Variants in MBTPS2 observed in about 807,000 individuals in gnomAD.
MBTPS2 encodes membrane-bound transcription factor site-2 protease.
Under a neutral mutation model 35.4 loss-of-function variants are expected in MBTPS2, and 2 were observed. That is an observed-to-expected ratio of 0.06 (90% CI 0.02 to 0.18). The LOEUF (loss-of-function observed/expected upper bound fraction) is 0.18. MBTPS2 is among the 10% of genes least tolerant of loss of function. The pLI is 1.00. For missense variants in MBTPS2, 244 were observed against 386.5 expected, an observed-to-expected ratio of 0.63 and a Z score of 3.09; for synonymous variants, 125 against 140.4, an observed-to-expected ratio of 0.89 and a Z score of 0.77.
At chrX:21,851,808 G>A (rs1188424998) in intron 4 of MBTPS2, among the ~76,000 whole-genome samples, 196 bp downstream of exon 4, 1 of 111,613 alleles carries the variant, frequency 9.0e-6, no homozygotes, top group African/African-American at 3.3e-5. Flanking sequence ...TGATGAATAT[G>A]CTCCATTAAC....
intron 3 of MBTPS2, among the ~76,000 whole-genome samples, chrX:21,850,987 T>C (rs1211683828): frequency 8.9e-6 from 1 of 112,041 alleles, no homozygotes; most frequent in Non-Finnish European, 1.9e-5. Context: ...CCAACTCACC[T>C]ATAACTTGAG....
intron 1 of MBTPS2, among the ~76,000 whole-genome samples, chrX:21,841,616 A>C (rs2092902712): frequency 8.9e-6 from 1 of 112,126 alleles, no homozygotes; most frequent in South Asian, 3.7e-4. Context: ...CCTGAGCAAC[A>C]TAGTAAGACA....
In MBTPS2 at chrX:21,883,076, G is replaced by A. The variant is rs963019287; in HGVS notation, c.*421G>A. On this transcript the variant is annotated 3_prime_UTR_variant, in exon 11 of 11. Coordinates refer to ENST00000379484, the MANE Select transcript of MBTPS2 (RefSeq NM_015884.4). ...AGACCAGACTTTGGCCAAGTGGAAG[G>A]ATGACCATTGTCTTGGCCTGTATCT... 3.5e-5 allele frequency: 28 copies of A among 807,282 alleles called. No individual in the cohort carries two copies. The highest frequency in any genetic ancestry group is 4.0e-5 in the Non-Finnish European group (27 of 672,269). 66.5% of individuals were successfully genotyped at this position (807,282 alleles called of 1,213,427 possible). A position where few individuals can be genotyped will look rare whatever the true frequency, so the allele number is the denominator to read the frequency against.
intron 7 of MBTPS2, among the ~76,000 whole-genome samples, chrX:21,876,819 T>G (rs2092953692): frequency 8.9e-6 from 1 of 111,963 alleles, no homozygotes; most frequent in African/African-American, 3.2e-5. Context: ...TTTATAAAAT[T>G]AAAATTACAT....
chrX:21,842,590 GC>G (rs1181205852), intron 1 of MBTPS2, among the ~76,000 whole-genome samples: 1 of 110,227 alleles, frequency 9.1e-6, no homozygotes, highest in Admixed American at 9.7e-5. Flanking sequence ...ACGAAGTAAT[GC>G]CCCCCCCAAA....
In MBTPS2 at chrX:21,878,549, C is replaced by T; in HGVS notation, c.1118C>T (p.Thr373Ile). ...GTTGAAGCAACTCAAGTTTGCAGAA[C>T]CAATAAAGACTGTAAAAAAAGCTCA... ...KAVEATQVCRTNKDCKKSSSS... is the reference protein window; with the variant it reads ...KAVEATQVCRINKDCKKSSSS... Residue 373 changes from threonine (T) to isoleucine (I), a missense_variant, in exon 9 of 11, where the codon ACC (threonine) becomes ATC (isoleucine). Thr to Ile is a moderately conservative substitution (Grantham distance 89). Transcript: ENST00000379484. The T allele has an allele frequency of 1.7e-6, 2 of 1,208,470 alleles. No homozygotes were observed. Among genetic ancestry groups the T allele is most frequent in the East Asian group, 5.9e-5 (2 of 33,822 alleles).
chrX:21,860,314 G>A (rs1261823291), intron 5 of MBTPS2, among the ~76,000 whole-genome samples: 1 of 111,067 alleles, frequency 9.0e-6, no homozygotes, highest in Non-Finnish European at 1.9e-5. Flanking sequence ...TTGGGAGGCT[G>A]AGGCAGGAGA....
chrX:21,863,700 T>C (rs1404364788), intron 5 of MBTPS2, among the ~76,000 whole-genome samples: 1 of 111,724 alleles, frequency 9.0e-6, no homozygotes, highest in African/African-American at 3.3e-5. Context: ...CCACCAATAA[T>C]TGGGTCCACG....
intron 7 of MBTPS2, among the ~76,000 whole-genome samples, chrX:21,873,881 T>C (rs2092949946): frequency 9.2e-6 from 1 of 108,917 alleles, no homozygotes; most frequent in Non-Finnish European, 1.9e-5. Context: ...AAAAAGACCT[T>C]TTTTTGTTAT....
chrX:21,857,668 C>A, intron 5 of MBTPS2: 2 of 1,043,190 alleles, frequency 1.9e-6, no homozygotes, highest in Non-Finnish European at 2.6e-6. Flanking sequence ...AATAAATATG[C>A]CTCTCAAAGC....
chrX:21,851,990 T>G (rs2092915295), intron 4 of MBTPS2, among the ~76,000 whole-genome samples: 1 of 112,146 alleles, frequency 8.9e-6, no homozygotes, highest in Non-Finnish European at 1.9e-5. Context: ...TTGATTTGAC[T>G]TATCAGCTGA....
At chrX:21,852,035 G>A (rs2092915335) in intron 4 of MBTPS2, among the ~76,000 whole-genome samples, 1 of 111,934 alleles carries the variant, frequency 8.9e-6, no homozygotes, top group Non-Finnish European at 1.9e-5. Context: ...TCCTCTGCTG[G>A]CTAGAGCAAG....
intron 5 of MBTPS2, among the ~76,000 whole-genome samples, chrX:21,860,589 A>G (rs972851345): frequency 1.1e-4 from 12 of 112,080 alleles, no homozygotes; most frequent in Admixed American, 3.8e-4. Context: ...TTGCCGCTTA[A>G]CCAGCATGGG....
intron 7 of MBTPS2, chrX:21,870,463 A>G (rs2092945996): frequency 8.9e-6 from 1 of 111,837 alleles, no homozygotes; most frequent in Admixed American, 9.5e-5. Flanking sequence ...CAAAGCATAA[A>G]CATTCTGTAT....
intron 9 of MBTPS2, among the ~76,000 whole-genome samples, chrX:21,880,136 G>C (rs1198579682): frequency 9.3e-6 from 1 of 107,821 alleles, no homozygotes; most frequent in Non-Finnish European, 1.9e-5. Flanking sequence ...GGTATTTTTG[G>C]TAGAGACAGG....
intron 3 of MBTPS2, among the ~76,000 whole-genome samples, chrX:21,848,680 A>G (rs1215131108): frequency 1.8e-5 from 2 of 111,203 alleles, no homozygotes; most frequent in Admixed American, 9.6e-5. Context: ...ACTCGTCTCA[A>G]AAAAATATAT....
chrX:21,862,176 C>A lies in MBTPS2; in HGVS notation c.671-6291C>A, dbSNP rs751816835. On this transcript the variant is annotated intron_variant, in intron 5 of 10. Transcript: ENST00000379484. Reference sequence around the variant, plus strand: ...CATCCTGGTGCTAGTAGTGCCCATACCCCGCCCCATAAGGAAAACTGCAAT... The same window carrying A: ...CATCCTGGTGCTAGTAGTGCCCATAACCCGCCCCATAAGGAAAACTGCAAT... 3.9e-4 allele frequency among the ~76,000 whole-genome samples: 43 copies of A among 110,554 alleles called. No homozygotes were observed. The East Asian group carries it at 0.012, about 31-fold the overall frequency.
intron 7 of MBTPS2, among the ~76,000 whole-genome samples, chrX:21,877,038 A>G (rs1393197080): frequency 2.7e-5 from 3 of 112,114 alleles, no homozygotes; most frequent in Non-Finnish European, 5.6e-5. Context: ...ATGTGTTGGA[A>G]TGCAGCAAAC....
At position 21,880,942 on chromosome X, in the gene MBTPS2, A is replaced by G. The variant is rs745759415; in HGVS notation, c.1307A>G (p.Asp436Gly). ...CCACGTTTTAACTTTCTAAGCATAG[A>G]TCTGCCAGTGGTTGTGGAGACATTT... ...FIPRFNFLSI[D>G]LPVVVETFVK... The change falls in exon 10 of 11, where the codon GAT becomes GGT. Residue 436 changes from aspartate to glycine, a missense_variant. Transcript: ENST00000379484. The G allele has an allele frequency of 8.3e-7, 1 of 1,205,661 alleles. No individual in the cohort carries two copies. The highest frequency in any genetic ancestry group is 1.8e-5 in the South Asian group (1 of 56,887).
Sources: allele counts gnomAD v4.1 joint callset (sites outside exome capture counted in the v4.1 genomes callset), GRCh38; gene constraint gnomAD v4.1.1; transcripts MANE v1.5; gene names NCBI Gene and HGNC (gene_info 2026-07-23, HGNC 2026-07-21).